The following ZNF677 variants were observed in gnomAD, a reference collection of about 807,000 sequenced individuals.
ZNF677 encodes the protein zinc finger protein 677, also known as hypothetical protein MGC48625.
ZNF677 carries 5 observed loss-of-function variants against 8.1 expected under a neutral mutation model. That is an observed-to-expected ratio of 0.62 (90% CI 0.32 to 1.29). The LOEUF (loss-of-function observed/expected upper bound fraction) is 1.29. Ranked by LOEUF, ZNF677 falls within the 50% of genes most tolerant of loss-of-function variation. The probability of loss-of-function intolerance (pLI) is 0.05; values close to 1 mark genes in which losing one functional copy is unlikely to be tolerated. For missense variants in ZNF677, 685 were observed against 685.9 expected, an observed-to-expected ratio of 1.00 and a Z score of 0.01; for synonymous variants, 221 against 225.6, an observed-to-expected ratio of 0.98 and a Z score of 0.18.
intron 4 of ZNF677, chr19:53,243,381 A>C: frequency 3.0e-6 from 1 of 336,338 alleles, no homozygotes. Context: ...CAATTTCATA[A>C]ATTAGTCAAC....
Position 53,238,410 on chromosome 19 carries a change from A to C in ZNF677, c.317T>G (p.Phe106Cys). The C allele has an allele frequency of 6.2e-7, 1 of 1,613,934 alleles. No individual in the cohort carries two copies. The highest frequency in any genetic ancestry group is 2.2e-5 in the East Asian group (1 of 44,858). The change falls in exon 5 of 5, where the codon TTT becomes TGT. Residue 106 changes from phenylalanine to cysteine, a missense_variant. Transcript: ENST00000598513. ...LKEVWENMPK[F>C]DSLWDYDVKN... is the part of the protein sequence containing the mutation. ...TACATCATAGTCCCACAGGCTGTCAAACTTAGGCATATTTTCCCAGACTTC... is the reference window on the plus strand; with the variant it reads ...TACATCATAGTCCCACAGGCTGTCACACTTAGGCATATTTTCCCAGACTTC...
At position 53,236,775 on chromosome 19, in the gene ZNF677, G is replaced by C. The variant is rs2090975738; in HGVS notation, c.*197C>G. 4.3e-6 allele frequency: 2 copies of C among 465,758 alleles called. No individual in the cohort carries two copies. The highest frequency in any genetic ancestry group is 4.1e-5 in the South Asian group (1 of 24,516). The allele number at this position is 465,758 out of a possible 1,614,324, so 28.9% of individuals were successfully genotyped here. A position where few individuals can be genotyped will look rare whatever the true frequency, so the allele number is the denominator to read the frequency against. On this transcript the variant is annotated 3_prime_UTR_variant, in exon 5 of 5. Coordinates refer to ENST00000598513, the MANE Select transcript of ZNF677 (RefSeq NM_182609.4). ...AAAGCTGTTCACATTCATTATATTTGTAAGGCTTCTCTACAGTAAGAATTC... is the reference window on the plus strand; with the variant it reads ...AAAGCTGTTCACATTCATTATATTTCTAAGGCTTCTCTACAGTAAGAATTC...
chr19:53,241,445 GA>G (rs777031877), intron 4 of ZNF677: 42 of 170,388 alleles, frequency 2.5e-4, no homozygotes, highest in Middle Eastern at 2.6e-3. Context: ...TCATACTGAA[GA>G]AAAATGTACA....
Position 53,238,170 on chromosome 19 carries a change from C to T in ZNF677, c.557G>A (p.Cys186Tyr), listed in dbSNP as rs150608331. The change falls in exon 5 of 5, where the codon TGT becomes TAT. Residue 186 changes from cysteine to tyrosine, a missense_variant. Cys to Tyr is a radical substitution (Grantham distance 194, BLOSUM62 -2). Coordinates refer to ENST00000598513, the MANE Select transcript of ZNF677 (RefSeq NM_182609.4). Reference protein sequence around the residue: ...IRYAGNKYVKCFENKIGLSLQ... With the variant: ...IRYAGNKYVKYFENKIGLSLQ... ...GCTTAATCCAATTTTATTTTCAAAA[C>T]ACTTCACGTATTTGTTTCCGGCATA... 23 of 1,613,226 alleles carry T rather than the reference C, an allele frequency of 1.4e-5. No individual in the cohort carries two copies. The highest frequency in any genetic ancestry group is 1.8e-5 in the Non-Finnish European group (21 of 1,179,750).
chr19:53,240,270 G>A (rs961600542), intron 4 of ZNF677: 1 of 152,176 alleles, frequency 6.6e-6, no homozygotes, highest in Admixed American at 6.5e-5. Flanking sequence ...TTTTTGAGAT[G>A]GAGTCTCGCT....
intron 3 of ZNF677, among the ~76,000 whole-genome samples, chr19:53,248,191 C>A (rs778074758): frequency 4.5e-4 from 68 of 152,142 alleles, no homozygotes; most frequent in Non-Finnish European, 8.5e-4. Flanking sequence ...AAGTTTCAAT[C>A]GATGCTAAGT....
chr19:53,241,551 G>T (rs2091049590), intron 4 of ZNF677: 2 of 327,652 alleles, frequency 6.1e-6, no homozygotes, highest in Non-Finnish European at 1.1e-5. Context: ...GCTCTTCCCA[G>T]GAGAAACTCC....
intron 2 of ZNF677, among the ~76,000 whole-genome samples, chr19:53,252,328 G>A (rs2091247811): frequency 6.6e-6 from 1 of 152,134 alleles, no homozygotes; most frequent in Admixed American, 6.5e-5. Context: ...AGAATTTCTG[G>A]TATACCCATC....
chr19:53,251,417 C>T (rs2091231317), intron 3 of ZNF677, 119 bp downstream of exon 3: 1 of 787,164 alleles, frequency 1.3e-6, no homozygotes, highest in Non-Finnish European at 2.2e-6. Context: ...AGGGAAAGCC[C>T]TGGGTGTGAA....
chr19:53,250,313 G>A (rs544659261), intron 3 of ZNF677, among the ~76,000 whole-genome samples: 1 of 152,264 alleles, frequency 6.6e-6, no homozygotes, highest in East Asian at 1.9e-4. Context: ...CTCAAAGATC[G>A]AAAAACAGAA....
intron 1 of ZNF677, among the ~76,000 whole-genome samples, chr19:53,253,507 G>A (rs1252727783): frequency 6.6e-6 from 1 of 152,150 alleles, no homozygotes; most frequent in Non-Finnish European, 1.5e-5. Flanking sequence ...GGCTAACAAG[G>A]TGAAAATCCC....
Position 53,238,022 on chromosome 19 carries a change from G to A in ZNF677, c.705C>T (p.Asn235=). The A allele has an allele frequency of 6.2e-7, 1 of 1,613,728 alleles. No individual in the cohort carries two copies. Among genetic ancestry groups the A allele is most frequent in the Non-Finnish European group, 8.5e-7 (1 of 1,179,884 alleles). ...AAATCTTCCTATATTTATTACAAAT[G>A]TTTTTGACACAAGGAGGAAGTGGTG... is the stretch of plus-strand genomic sequence containing the variant. ...SVSPLPPCVK[N]ICNKYRKILK... Residue 235 remains asparagine, a synonymous_variant, in exon 5 of 5, where the codon AAC becomes AAT. Coordinates refer to ENST00000598513, the MANE Select transcript of ZNF677 (RefSeq NM_182609.4).
At chr19:53,239,588 G>C (rs1234119523) in intron 4 of ZNF677, 1 of 151,510 alleles carries the variant, frequency 6.6e-6, no homozygotes, top group East Asian at 1.9e-4. Flanking sequence ...TGTAGAGTCA[G>C]AGAAATGTTG....
In ZNF677 at chr19:53,238,549, C is replaced by A; in HGVS notation, c.178G>T (p.Val60Phe). The change falls in exon 5 of 5, where the codon GTT becomes TTT. Residue 60 changes from valine (V) to phenylalanine (F), a missense_variant. Physicochemically the swap from Val to Phe is conservative, Grantham distance 50 (BLOSUM62 -1). Coordinates refer to ENST00000598513, the MANE Select transcript of ZNF677 (RefSeq NM_182609.4). The stretch of plus-strand genomic sequence containing the variant: ...GATAATCCCTTGCTTGTAAATCCAA[C>A]AGAAATATCTGAAAGATATTAAAAA... ...DNIPPEDDIS[V>F]GFTSKGLSPK... is the part of the protein sequence containing the mutation. 6.4e-7 allele frequency: 1 copy of A among 1,554,146 alleles called. No homozygotes were observed. Among genetic ancestry groups the A allele is most frequent in the Non-Finnish European group, 8.6e-7 (1 of 1,158,056 alleles).
chr19:53,242,370 A>G (rs2091066210), intron 4 of ZNF677: 3 of 398,530 alleles, frequency 7.5e-6, no homozygotes, highest in Middle Eastern at 6.2e-4. Context: ...GGAGTAAAAT[A>G]AAAGGGTCGG....
chr19:53,253,913 C>T (rs201264896), intron 1 of ZNF677, among the ~76,000 whole-genome samples: 1 of 152,062 alleles, frequency 6.6e-6, no homozygotes, highest in Non-Finnish European at 1.5e-5. Flanking sequence ...AAGCAGCATA[C>T]GGTGTCACAG....
At chr19:53,252,698 C>T (rs941573803) in intron 2 of ZNF677, among the ~76,000 whole-genome samples, 2 of 152,174 alleles carry the variant, frequency 1.3e-5, no homozygotes, top group Non-Finnish European at 2.9e-5. Flanking sequence ...TCTGTTGGAA[C>T]AAAATTCCAC....
Position 53,237,603 on chromosome 19 carries a change from T to C in ZNF677, c.1124A>G (p.Tyr375Cys). 3.7e-6 allele frequency: 6 copies of C among 1,613,956 alleles called. No individual in the cohort carries two copies. Among genetic ancestry groups the C allele is most frequent in the Non-Finnish European group, 5.1e-6 (6 of 1,179,894 alleles). The change falls in exon 5 of 5, where the codon TAC (tyrosine) becomes TGC (cysteine). Residue 375 changes from tyrosine to cysteine, a missense_variant. By Grantham distance (194) the Tyr-to-Cys change is radical. Transcript: ENST00000598513. ...HERIHTGEKP[Y>C]KCNECDKAFA... ...GGCTTTGTCACATTCATTACATTTG[T>C]AAGGTTTCTCTCCAGTATGAATTCT...
At position 53,236,789 on chromosome 19, in the gene ZNF677, C is replaced by A; in HGVS notation, c.*183G>T. ...TCATTATATTTGTAAGGCTTCTCTA[C>A]AGTAAGAATTCTATGATGTTCCACA... On this transcript the variant is annotated 3_prime_UTR_variant, in exon 5 of 5. Transcript: ENST00000598513. The A allele has an allele frequency of 2.0e-6, 1 of 506,248 alleles. No homozygotes were observed. Among genetic ancestry groups the A allele is most frequent in the Non-Finnish European group, 3.4e-6 (1 of 295,896 alleles). 31.4% of individuals were successfully genotyped at this position (506,248 alleles called of 1,614,324 possible).
Sources: allele counts gnomAD v4.1 joint callset (sites outside exome capture counted in the v4.1 genomes callset), GRCh38; gene constraint gnomAD v4.1.1; transcripts MANE v1.5; gene names NCBI Gene and HGNC (gene_info 2026-07-23, HGNC 2026-07-21).